ROR1: variants seen among roughly 807,000 people sequenced by gnomAD.
ROR1 encodes the protein ROR family WNT receptor 1, also known as inactive tyrosine-protein kinase transmembrane receptor ROR1.
In ROR1, 19 loss-of-function variants were observed where a neutral mutation model predicts 78.8. That is an observed-to-expected ratio of 0.24 (90% CI 0.17 to 0.35). ROR1 has a LOEUF of 0.35. Ranked by LOEUF, ROR1 falls within the 10% of genes least tolerant of loss-of-function variation. The pLI, the probability that ROR1 is intolerant of heterozygous loss-of-function variation, is 1.00. For synonymous variants in ROR1, 386 were observed against 433.6 expected, an observed-to-expected ratio of 0.89 and a Z score of 1.36; for missense variants, 917 against 1,177.8, an observed-to-expected ratio of 0.78 and a Z score of 3.24.
intron 1 of ROR1, among the ~76,000 whole-genome samples, chr1:63,924,680 G>A (rs774360423): frequency 2.6e-5 from 4 of 152,138 alleles, no homozygotes; most frequent in Non-Finnish European, 4.4e-5. Flanking sequence ...TGCCTTTACC[G>A]AGCTTAAAGT....
chr1:64,061,953 G>A (rs543691397), intron 4 of ROR1, among the ~76,000 whole-genome samples: 9 of 152,154 alleles, frequency 5.9e-5, no homozygotes, highest in African/African-American at 9.6e-5. Context: ...TCTGTCAGGC[G>A]CTTCTATCCT....
At chr1:63,888,847 A>G (rs750491506) in intron 1 of ROR1, among the ~76,000 whole-genome samples, 4 of 152,184 alleles carry the variant, frequency 2.6e-5, no homozygotes, top group Non-Finnish European at 4.4e-5. Flanking sequence ...TCAACATATA[A>G]TGCATAAGAG....
At chr1:64,168,866 ATCCAGAAAACTACATCCATTTAT>A (rs1214562356) in intron 8 of ROR1, among the ~76,000 whole-genome samples, 1 of 152,228 alleles carries the variant, frequency 6.6e-6, no homozygotes, top group African/African-American at 2.4e-5. Flanking sequence ...GAATTGACTG[ATCCAGAAAACTACATCCATTTAT>A]TCCAGGGGCT....
chr1:63,783,884 C>G (rs917401789), intron 1 of ROR1, among the ~76,000 whole-genome samples: 1 of 152,132 alleles, frequency 6.6e-6, no homozygotes, highest in African/African-American at 2.4e-5. Context: ...CACGATATCC[C>G]CATTTTCCAG....
At chr1:63,844,335 AC>A (rs1171230784) in intron 1 of ROR1, among the ~76,000 whole-genome samples, 1 of 151,444 alleles carries the variant, frequency 6.6e-6, no homozygotes, top group Non-Finnish European at 1.5e-5. Context: ...TGTCCTCCAA[AC>A]CCTGTTGCCT....
intron 7 of ROR1, 43 bp from the exon 8 acceptor site, chr1:64,158,938 T>C (rs1569867143): frequency 4.9e-6 from 7 of 1,432,162 alleles, no homozygotes; most frequent in Non-Finnish European, 6.9e-6. Context: ...TGCATGTTAC[T>C]TTAAAGAGTA....
rs142793046 is a variant in ROR1 at position 63,928,861 on chromosome 1, T to C, written c.92-80444T>C. On this transcript the variant is annotated intron_variant, in intron 1 of 8. Coordinates refer to ENST00000371079, the MANE Select transcript of ROR1 (RefSeq NM_005012.4). ...GGATAACCCTCTAGAGAGGCCAAGA[T>C]CTGGGCTGTGCTGCGGACTGCTCTT... Among the ~76,000 whole-genome samples, 691 of 152,304 alleles carry C rather than the reference T, an allele frequency of 4.5e-3. 4 individuals carry two copies. Among genetic ancestry groups the C allele is most frequent in the Non-Finnish European group, 7.2e-3 (490 of 68,026 alleles).
intron 1 of ROR1, among the ~76,000 whole-genome samples, chr1:63,832,199 GTCT>G (rs1421914267): frequency 2.0e-5 from 3 of 152,182 alleles, no homozygotes; most frequent in Non-Finnish European, 4.4e-5. Flanking sequence ...ACATCTTCCT[GTCT>G]TCTTCTGAGC....
chr1:64,043,334 C>T (rs568825657), intron 2 of ROR1, among the ~76,000 whole-genome samples: 11 of 152,246 alleles, frequency 7.2e-5, no homozygotes, highest in South Asian at 2.1e-4. Context: ...CATCAACCAG[C>T]GTTTATTAAA....
intron 4 of ROR1, among the ~76,000 whole-genome samples, chr1:64,120,040 A>G (rs540235254): frequency 1.1e-4 from 17 of 152,336 alleles, no homozygotes; most frequent in African/African-American, 4.1e-4. Flanking sequence ...ATGGTGTGTT[A>G]TTTTTGAGAA....
chr1:63,957,495 A>AC (rs968308574), intron 1 of ROR1, among the ~76,000 whole-genome samples: 51 of 151,458 alleles, frequency 3.4e-4, no homozygotes, highest in African/African-American at 1.1e-3. Context: ...GAGGATGAGG[A>AC]CCCCCCCTTG....
Position 63,774,984 on chromosome 1 carries a change from G to C in ROR1, c.91+476G>C, listed in dbSNP as rs561996886. Among the ~76,000 whole-genome samples the C allele has an allele frequency of 6.6e-6, 1 of 152,068 alleles. No homozygotes were observed. The highest frequency in any genetic ancestry group is 2.1e-4 in the South Asian group (1 of 4,828). On this transcript the variant is annotated intron_variant, in intron 1 of 8. Coordinates refer to ENST00000371079, the MANE Select transcript of ROR1 (RefSeq NM_005012.4). The surrounding 1 kb of genome is among the most constrained non-coding windows in gnomAD (Gnocchi z 5.7). ...GCTCGCCAGAGCCCAGGCGGCTCGC[G>C]GATCGACGCAAACAAAAGCCCTGTC...
At chr1:64,030,682 T>G (rs758005733) in intron 2 of ROR1, among the ~76,000 whole-genome samples, 7 of 152,180 alleles carry the variant, frequency 4.6e-5, no homozygotes, top group Non-Finnish European at 7.3e-5. Flanking sequence ...TTTAGTTTTC[T>G]TTCATCTCTA....
chr1:63,989,936 AT>A (rs943122283), intron 1 of ROR1, among the ~76,000 whole-genome samples: 2 of 152,050 alleles, frequency 1.3e-5, no homozygotes, highest in Admixed American at 6.6e-5. Flanking sequence ...CCCCTTCCTC[AT>A]TGCTCAGAGT....
chr1:63,935,023 A>AT (rs11376470), intron 1 of ROR1, among the ~76,000 whole-genome samples: 94,961 of 140,314 alleles, frequency 0.68, 34,344 homozygotes, highest in East Asian at 0.93. Context: ...ATTTGGGAGA[A>AT]TTTTTTTTTT....
intron 1 of ROR1, among the ~76,000 whole-genome samples, chr1:63,989,027 C>T (rs1232826880): frequency 6.6e-6 from 1 of 152,094 alleles, no homozygotes; most frequent in Non-Finnish European, 1.5e-5. Flanking sequence ...TCCTAGATTA[C>T]ATGGAAATTT....
chr1:63,861,901 C>G (rs2100346213), intron 1 of ROR1, among the ~76,000 whole-genome samples: 1 of 152,122 alleles, frequency 6.6e-6, no homozygotes, highest in South Asian at 2.1e-4. Flanking sequence ...CCTTTCCTGA[C>G]AAGTCTAGGG....
At chr1:64,003,021 A>T (rs1386537577) in intron 1 of ROR1, among the ~76,000 whole-genome samples, 2 of 151,726 alleles carry the variant, frequency 1.3e-5, no homozygotes, top group Non-Finnish European at 2.9e-5. Context: ...CCCCCTCCCT[A>T]CCCTGACAAG....
chr1:63,869,480 T>C (rs922130181), intron 1 of ROR1, among the ~76,000 whole-genome samples: 2 of 152,284 alleles, frequency 1.3e-5, no homozygotes, highest in African/African-American at 4.8e-5. Context: ...TCAGGCCTGC[T>C]AAGAAGGGGG....
Sources: gnomAD v4.1 joint callset for allele counts (sites outside exome capture counted in the v4.1 genomes callset) on GRCh38, gnomAD v4.1.1 for gene constraint, Gnocchi (gnomAD v3.1) non-coding constraint, MANE v1.5 for transcripts, NCBI Gene and HGNC (gene_info 2026-07-23, HGNC 2026-07-21) for gene names.